Variants in FAT3 observed in about 807,000 individuals in gnomAD.
FAT3 encodes protocadherin Fat 3.
FAT3 carries 95 observed loss-of-function variants against 310.2 expected under a neutral mutation model. The observed-to-expected ratio is 0.31, with a 90% CI of 0.26 to 0.36. The LOEUF is 0.36. Among genes scored for constraint, FAT3 ranks in the 10% least tolerant of loss-of-function variants. The pLI, the probability that FAT3 is intolerant of heterozygous loss-of-function variation, is 1.00. For missense variants in FAT3, 5,408 were observed against 5,715.6 expected (o/e 0.95, Z 1.74); for synonymous variants, 2,314 against 2,192.9 (o/e 1.06, Z -1.54).
At chr11:92,831,365 G>A (rs891582181) in intron 13 of FAT3, among the ~76,000 whole-genome samples, 1 of 152,132 alleles carries the variant, frequency 6.6e-6, no homozygotes, top group African/African-American at 2.4e-5. Context: ...TTTGTGGGGG[G>A]CGAGTTGTAT....
intron 2 of FAT3, among the ~76,000 whole-genome samples, chr11:92,499,729 G>GTGTGTGTGTGTA (rs1555067151): frequency 8.1e-6 from 1 of 123,550 alleles, no homozygotes; most frequent in African/African-American, 2.6e-5. Context: ...GTGTATGTGT[G>GTGTGTGTGTGTA]TGTGTGTGTG....
At position 92,724,650 on chromosome 11, in the gene FAT3, A is replaced by G. The variant is rs191711283; in HGVS notation, c.3669+27205A>G. On this transcript the variant is annotated intron_variant, in intron 4 of 27. Transcript: ENST00000525166. ...GTCTCATTATGAAGATGATTTGGGT[A>G]TGTTAAGTACACACTCACAGTATTC... 7.9e-5 allele frequency among the ~76,000 whole-genome samples: 12 copies of G among 152,342 alleles called. No homozygotes were observed. The East Asian group carries it at 1.5e-3, about 20-fold the overall frequency.
rs1004613219 is a variant in FAT3, at chr11:92,895,062, T to C, written c.*3949T>C. 1 of 152,222 alleles carries C rather than the reference T, an allele frequency of 6.6e-6. No individual in the cohort carries two copies. The highest frequency in any genetic ancestry group is 1.5e-5 in the Non-Finnish European group (1 of 68,038). 9.4% of individuals were successfully genotyped at this position (152,222 alleles called of 1,614,324 possible). A position where few individuals can be genotyped will look rare whatever the true frequency, so the allele number is the denominator to read the frequency against. ...TTTTATGTGAAGTAATTCAGGAAGA[T>C]CTAGTGTTCATTTTGCATGGATTGT... is the stretch of plus-strand genomic sequence containing the variant. On this transcript the variant is annotated 3_prime_UTR_variant, in exon 28 of 28. Coordinates refer to ENST00000525166, the MANE Select transcript of FAT3 (RefSeq NM_001367949.2).
intron 1 of FAT3, among the ~76,000 whole-genome samples, chr11:92,299,102 A>G (rs1946925170): frequency 1.3e-5 from 2 of 152,082 alleles, no homozygotes; most frequent in African/African-American, 4.8e-5. Context: ...CATGCCTAAC[A>G]TCTGGCTGAG....
At chr11:92,867,849 A>G (rs1454193057) in intron 22 of FAT3, among the ~76,000 whole-genome samples, 2 of 152,190 alleles carry the variant, frequency 1.3e-5, no homozygotes, top group South Asian at 2.1e-4. Flanking sequence ...CAATGAAGGC[A>G]TGATCTTTAC....
intron 2 of FAT3, among the ~76,000 whole-genome samples, chr11:92,501,682 G>A (rs985316117): frequency 6.6e-6 from 1 of 151,818 alleles, no homozygotes; most frequent in African/African-American, 2.4e-5. Flanking sequence ...TTTCTAATAT[G>A]AATTTCCATT....
At chr11:92,516,247 C>T (rs1391244610) in intron 2 of FAT3, among the ~76,000 whole-genome samples, 4 of 152,118 alleles carry the variant, frequency 2.6e-5, no homozygotes, top group Admixed American at 6.6e-5. Context: ...CAATAAAATA[C>T]TGGCAAACTG....
In FAT3 at chr11:92,883,005, C is replaced by G. The variant is rs576576362; in HGVS notation, c.12549C>G (p.Asn4183Lys). 12 of 1,613,936 alleles carry G rather than the reference C, an allele frequency of 7.4e-6. No homozygotes were observed. The African/African-American group carries it at 1.6e-4, about 21-fold the overall frequency. Reference protein sequence around the residue: ...IVFRKKVFRKNYSRNNITLVQ... With the variant: ...IVFRKKVFRKKYSRNNITLVQ... ...TCCGCAAGAAGGTCTTCCGCAAGAA[C>G]TACTCCCGCAACAACATCACGCTAG... The change falls in exon 24 of 28, where the codon AAC (asparagine) becomes AAG (lysine). Residue 4183 changes from asparagine (N) to lysine (K), a missense_variant. Transcript: ENST00000525166. This position sits in a 1 kb window ranked among gnomAD's most constrained non-coding sequence, Gnocchi z 4.2.
intron 4 of FAT3, among the ~76,000 whole-genome samples, chr11:92,729,372 G>A (rs550588359): frequency 8.6e-5 from 13 of 151,956 alleles, no homozygotes; most frequent in East Asian, 3.9e-4. Flanking sequence ...CATCTCTCAC[G>A]TGTGGGAAAA....
rs575711133 is a variant in FAT3, at chr11:92,287,893, A to C, written c.-18+62719A>C. ...TGGTCATAGAACTCAGGGAAGCCAC[A>C]TTTGTTAAAGTGGCCTAAGTTTGGA... is the stretch of plus-strand genomic sequence containing the variant. On this transcript the variant is annotated intron_variant, in intron 1 of 27. Coordinates refer to ENST00000525166, the MANE Select transcript of FAT3 (RefSeq NM_001367949.2). Among the ~76,000 whole-genome samples, 16 of 152,234 alleles carry C rather than the reference A, an allele frequency of 1.1e-4. No individual in the cohort carries two copies. In the East Asian group the frequency reaches 2.5e-3, roughly 24 times the overall value.
At chr11:92,368,828 G>GTATATATATATA (rs1565263475) in intron 2 of FAT3, among the ~76,000 whole-genome samples, 1 of 108,114 alleles carries the variant, frequency 9.2e-6, no homozygotes, top group Non-Finnish European at 1.8e-5. Flanking sequence ...ATGTTTGTGT[G>GTATATATATATA]TATACATATA....
chr11:92,270,976 T>C (rs942907568), intron 1 of FAT3, among the ~76,000 whole-genome samples: 9 of 152,090 alleles, frequency 5.9e-5, no homozygotes, highest in African/African-American at 2.2e-4. Flanking sequence ...TCTGTTTGAC[T>C]TCCAAAATAT....
At chr11:92,334,245 A>G (rs1341757503) in intron 1 of FAT3, among the ~76,000 whole-genome samples, 1 of 151,990 alleles carries the variant, frequency 6.6e-6, no homozygotes, top group Non-Finnish European at 1.5e-5. Flanking sequence ...GTGTGGTGGC[A>G]TGCACCTGTG....
chr11:92,393,875 A>G (rs762679825), intron 2 of FAT3, among the ~76,000 whole-genome samples: 3 of 152,186 alleles, frequency 2.0e-5, no homozygotes, highest in Non-Finnish European at 2.9e-5. Flanking sequence ...TGACACTAAC[A>G]TGGGGATTTT....
chr11:92,486,370 C>T (rs538764355), intron 2 of FAT3, among the ~76,000 whole-genome samples: 5 of 151,308 alleles, frequency 3.3e-5, no homozygotes, highest in Non-Finnish European at 7.4e-5. Flanking sequence ...ATTTTGTTGT[C>T]CTTTTTTTTT....
chr11:92,576,872 T>C (rs1938510475), intron 3 of FAT3, among the ~76,000 whole-genome samples: 1 of 149,710 alleles, frequency 6.7e-6, no homozygotes, highest in Admixed American at 6.8e-5. Context: ...TATCAATGTA[T>C]AATCACATAA....
At chr11:92,640,220 G>A (rs541287353) in intron 3 of FAT3, among the ~76,000 whole-genome samples, 2 of 152,196 alleles carry the variant, frequency 1.3e-5, no homozygotes, top group African/African-American at 4.8e-5. Flanking sequence ...CCTCAAGCCT[G>A]CTGTATACTG....
At chr11:92,237,086 T>C (rs544558443) in intron 1 of FAT3, among the ~76,000 whole-genome samples, 9 of 152,158 alleles carry the variant, frequency 5.9e-5, no homozygotes, top group Non-Finnish European at 8.8e-5. Context: ...TCCAGCATCA[T>C]GGTGGAGCAA....
chr11:92,589,008 A>G (rs1939291867), intron 3 of FAT3, among the ~76,000 whole-genome samples: 1 of 152,114 alleles, frequency 6.6e-6, no homozygotes, highest in African/African-American at 2.4e-5. Flanking sequence ...AGGTGAGAGT[A>G]CATGTTGATT....
Sources: gnomAD v4.1 joint callset for allele counts (sites outside exome capture counted in the v4.1 genomes callset) on GRCh38, gnomAD v4.1.1 for gene constraint, Gnocchi (gnomAD v3.1) non-coding constraint, MANE v1.5 for transcripts, NCBI Gene and HGNC (gene_info 2026-07-23, HGNC 2026-07-21) for gene names.